The following FUNDC2 variants were observed in gnomAD, a reference collection of about 807,000 sequenced individuals.
FUNDC2 encodes FUN14 domain containing 2, also known as FUN14 domain-containing protein 2.
In FUNDC2, 4 loss-of-function variants were observed where a neutral mutation model predicts 15.6. The observed-to-expected ratio is 0.26, with a 90% CI of 0.13 to 0.59. FUNDC2 has a LOEUF of 0.59. FUNDC2 is among the 20% of genes least tolerant of loss of function. The pLI is 0.90. For missense variants in FUNDC2, 98 were observed against 149.7 expected (o/e 0.65, Z 1.80); for synonymous variants, 44 against 56.9 (o/e 0.77, Z 1.02).
intron 2 of FUNDC2, among the ~76,000 whole-genome samples, chrX:155,037,446 G>A (rs2073834175): frequency 9.0e-6 from 1 of 110,674 alleles, no homozygotes; most frequent in South Asian, 3.8e-4. Context: ...CAAGGGAAGA[G>A]GCACATGGAA....
intron 1 of FUNDC2, among the ~76,000 whole-genome samples, chrX:155,030,367 C>CA (rs1275771643): frequency 0.32 from 8,939 of 27,615 alleles, 1,187 homozygotes; most frequent in Admixed American, 0.36. Flanking sequence ...CTCCTGTCTA[C>CA]AAAAAAAAAA....
At chrX:155,047,660 G>C (rs2073866892) in intron 3 of FUNDC2, among the ~76,000 whole-genome samples, 1 of 110,766 alleles carries the variant, frequency 9.0e-6, no homozygotes, top group Admixed American at 9.6e-5. Flanking sequence ...GGTTAGGGTA[G>C]GTCTGGACTT....
Position 155,054,582 on chromosome X carries a change from C to G in FUNDC2, c.493-13C>G. On this transcript the variant is annotated splice_polypyrimidine_tract_variant and intron_variant, in intron 4 of 4. Transcript: ENST00000369498. The stretch of plus-strand genomic sequence containing the variant: ...TTAGCAAAACAACCCATTGTACTAT[C>G]TTCTGTTTTCAGGTGGTGTCATTTG... The G allele has an allele frequency of 2.5e-6, 3 of 1,210,449 alleles. No individual in the cohort carries two copies. The highest frequency in any genetic ancestry group is 3.4e-6 in the Non-Finnish European group (3 of 894,596).
At chrX:155,030,240 C>T (rs1018995843) in intron 1 of FUNDC2, among the ~76,000 whole-genome samples, 1 of 108,648 alleles carries the variant, frequency 9.2e-6, no homozygotes, top group Non-Finnish European at 1.9e-5. Context: ...GCTAGGAACT[C>T]CAGTACAGTG....
intron 2 of FUNDC2, among the ~76,000 whole-genome samples, chrX:155,035,785 T>C (rs1257485495): frequency 8.9e-6 from 1 of 112,571 alleles, no homozygotes; most frequent in Non-Finnish European, 1.9e-5. Context: ...GCAGTTCTCC[T>C]GCATCAGCCT....
chrX:155,057,045 T>C lies in FUNDC2; in HGVS notation c.*2373T>C, dbSNP rs1438234984. The C allele has an allele frequency of 1.0e-5, 1 of 96,154 alleles. No homozygotes were observed. The highest frequency in any genetic ancestry group is 2.2e-5 in the Non-Finnish European group (1 of 45,013). The allele number at this position is 96,154 out of a possible 1,213,427, so 7.9% of individuals were successfully genotyped here. Reference sequence around the variant, plus strand: ...GTATTGCAGGTTGGCCTCATCCTGCTAGTATGAGAACGGCTGTGAGTTCTG... The same window carrying C: ...GTATTGCAGGTTGGCCTCATCCTGCCAGTATGAGAACGGCTGTGAGTTCTG... On this transcript the variant is annotated 3_prime_UTR_variant, in exon 5 of 5. Transcript: ENST00000369498.
intron 3 of FUNDC2, chrX:155,051,436 G>T (rs913372596): frequency 3.1e-4 from 113 of 360,088 alleles, no homozygotes; most frequent in Non-Finnish European, 4.9e-5. Context: ...AGGGTTGTAA[G>T]AGTATAAATA....
chrX:155,046,732 C>T (rs782478108), intron 3 of FUNDC2, 148 bp downstream of exon 3: 353 of 453,900 alleles, frequency 7.8e-4, no homozygotes, highest in Non-Finnish European at 1.2e-3. Context: ...TGCTAGTGAC[C>T]GTTTGAGTCA....
chrX:155,058,068 T>C lies in FUNDC2; in HGVS notation c.*3396T>C, dbSNP rs2073914524. 9.0e-6 allele frequency: 1 copy of C among 111,339 alleles called. No homozygotes were observed. Among genetic ancestry groups the C allele is most frequent in the South Asian group, 3.8e-4 (1 of 2,606 alleles). The allele number at this position is 111,339 out of a possible 1,213,427, so 9.2% of individuals were successfully genotyped here. A position where few individuals can be genotyped will look rare whatever the true frequency, so the allele number is the denominator to read the frequency against. ...CATGACTCTCCTCCCAAATGGCCGC[T>C]TGTTTGTTGCAATCTCCCGCCACTC... is the stretch of plus-strand genomic sequence containing the variant. On this transcript the variant is annotated 3_prime_UTR_variant, in exon 5 of 5. Coordinates refer to ENST00000369498, the MANE Select transcript of FUNDC2 (RefSeq NM_023934.4).
At position 155,060,278 on chromosome X, in the gene FUNDC2, G is replaced by C. The variant is rs1217031950; in HGVS notation, c.*5606G>C. On this transcript the variant is annotated 3_prime_UTR_variant, in exon 5 of 5. Transcript: ENST00000369498. Reference sequence around the variant, plus strand: ...TAAATGTAATTTAGATTTGTAGATGGTGTAACATTAAAGTTGTATGATGTT... The same window carrying C: ...TAAATGTAATTTAGATTTGTAGATGCTGTAACATTAAAGTTGTATGATGTT... The C allele has an allele frequency of 2.7e-5, 3 of 112,010 alleles. No homozygotes were observed. Among genetic ancestry groups the C allele is most frequent in the African/African-American group, 9.8e-5 (3 of 30,756 alleles). The allele number at this position is 112,010 out of a possible 1,213,427, so 9.2% of individuals were successfully genotyped here. A position where few individuals can be genotyped will look rare whatever the true frequency, so the allele number is the denominator to read the frequency against.
chrX:155,058,042 G>C lies in FUNDC2; in HGVS notation c.*3370G>C, dbSNP rs191306098. 5.4e-5 allele frequency: 6 copies of C among 110,971 alleles called. No homozygotes were observed. Among genetic ancestry groups the C allele is most frequent in the Admixed American group, 2.9e-4 (3 of 10,461 alleles). 9.1% of individuals were successfully genotyped at this position (110,971 alleles called of 1,213,427 possible). ...TTATTGCCATTGTGATAATATGTTA[G>C]CATGACTCTCCTCCCAAATGGCCGC... On this transcript the variant is annotated 3_prime_UTR_variant, in exon 5 of 5. Transcript: ENST00000369498.
intron 2 of FUNDC2, among the ~76,000 whole-genome samples, chrX:155,038,182 A>C (rs1183852095): frequency 9.0e-6 from 1 of 110,712 alleles, no homozygotes; most frequent in Non-Finnish European, 1.9e-5. Context: ...AGCCAAGATC[A>C]TGCCACTGTA....
At chrX:155,035,016 G>A (rs370349614) in intron 2 of FUNDC2, among the ~76,000 whole-genome samples, 5 of 111,615 alleles carry the variant, frequency 4.5e-5, no homozygotes, top group South Asian at 7.4e-4. Flanking sequence ...TTATCTTTTC[G>A]TTTTATGGTA....
intron 1 of FUNDC2, chrX:155,027,359 C>T: frequency 5.0e-6 from 1 of 198,448 alleles, no homozygotes; most frequent in African/African-American, 2.9e-5. Context: ...ATTCTGTCCC[C>T]GTTCTCGGAA....
At chrX:155,038,173 G>T (rs974366405) in intron 2 of FUNDC2, among the ~76,000 whole-genome samples, 27 of 110,494 alleles carry the variant, frequency 2.4e-4, no homozygotes, top group African/African-American at 8.6e-4. Context: ...GTTGTAGTGA[G>T]CCAAGATCAT....
chrX:155,033,238 CTGA>C (rs782060483), intron 1 of FUNDC2, 162 bp from the exon 2 acceptor site: 1 of 415,896 alleles, frequency 2.4e-6, no homozygotes, highest in East Asian at 3.9e-5. Flanking sequence ...TTAGTATTTG[CTGA>C]TTTTAGTCTG....
In FUNDC2 at chrX:155,056,886, T is replaced by TTA. The variant is rs1557291001; in HGVS notation, c.*2214_*2215insTA. ...ATTAGCAGGTGGTTGTAAACTACCT[T>TTA]GAGTAGGTTGTAATAAATAGTCTGG... On this transcript the variant is annotated 3_prime_UTR_variant, in exon 5 of 5. Transcript: ENST00000369498. The TTA allele has an allele frequency of 1.8e-5, 2 of 111,379 alleles. No individual in the cohort carries two copies. Among genetic ancestry groups the TTA allele is most frequent in the Non-Finnish European group, 3.8e-5 (2 of 52,931 alleles). The allele number at this position is 111,379 out of a possible 1,213,427, so 9.2% of individuals were successfully genotyped here.
At chrX:155,048,133 T>G (rs1192038056) in intron 3 of FUNDC2, among the ~76,000 whole-genome samples, 1 of 111,805 alleles carries the variant, frequency 8.9e-6, no homozygotes, top group Non-Finnish European at 1.9e-5. Flanking sequence ...AAATAATTGG[T>G]ATTGAAAATG....
rs1261437980 is a variant in FUNDC2, at chrX:155,056,500, CTT to C, written c.*1829_*1830del. ...GTATTTGCATGATTTGGATAAGTCT[CTT>C]AACCTTATAGATCCTCCTCTATTTT... On this transcript the variant is annotated 3_prime_UTR_variant, in exon 5 of 5. Transcript: ENST00000369498. 9.5e-6 allele frequency: 1 copy of C among 104,853 alleles called. No homozygotes were observed. Among genetic ancestry groups the C allele is most frequent in the Non-Finnish European group, 1.9e-5 (1 of 51,640 alleles). 8.6% of individuals were successfully genotyped at this position (104,853 alleles called of 1,213,427 possible).
Sources: allele counts gnomAD v4.1 joint callset (sites outside exome capture counted in the v4.1 genomes callset), GRCh38; gene constraint gnomAD v4.1.1; transcripts MANE v1.5; gene names NCBI Gene and HGNC (gene_info 2026-07-23, HGNC 2026-07-21).